Variants in TLN2 observed in about 807,000 individuals in gnomAD.
TLN2 encodes the protein talin-2.
Under a neutral mutation model 294.7 loss-of-function variants are expected in TLN2, and 118 were observed. The ratio of observed to expected loss-of-function variants is 0.40; its 90% confidence interval spans 0.34 to 0.47. The LOEUF (loss-of-function observed/expected upper bound fraction) is 0.47, where lower values mean the gene tolerates loss of function less well. Among genes scored for constraint, TLN2 ranks in the 20% least tolerant of loss-of-function variants. The pLI is 0.84. For synonymous variants in TLN2, 1,431 were observed against 1,304.5 expected (o/e 1.10, Z -2.09); for missense variants, 3,083 against 3,282.2 (o/e 0.94, Z 1.48).
intron 12 of TLN2, 72 bp downstream of exon 12, chr15:62,686,868 C>A: frequency 1.9e-6 from 3 of 1,564,074 alleles, no homozygotes; most frequent in South Asian, 1.2e-5. Context: ...GGAGAAAGAC[C>A]AGATTCTTGC....
Position 62,753,839 on chromosome 15 carries a change from A to G in TLN2, c.4399A>G (p.Ile1467Val), listed in dbSNP as rs2062072650. 3.1e-6 allele frequency: 5 copies of G among 1,612,550 alleles called. No homozygotes were observed. Among genetic ancestry groups the G allele is most frequent in the Non-Finnish European group, 4.2e-6 (5 of 1,179,482 alleles). ...QAGHQGLVDP[I>V]QFARANQAIQ... ...AGGCCACCAGGGCCTGGTGGACCCCATCCAGTTTGCCAGGGCTAACCAGGC... is the reference window on the plus strand; with the variant it reads ...AGGCCACCAGGGCCTGGTGGACCCCGTCCAGTTTGCCAGGGCTAACCAGGC... Residue 1467 changes from isoleucine to valine, a missense_variant, in exon 36 of 59, where the codon ATC becomes GTC. Physicochemically the swap from Ile to Val is conservative, Grantham distance 29 (BLOSUM62 3). Coordinates refer to ENST00000636159, the MANE Select transcript of TLN2 (RefSeq NM_015059.3).
chr15:62,804,925 G>A (rs1472491737), intron 50 of TLN2, among the ~76,000 whole-genome samples: 1 of 151,406 alleles, frequency 6.6e-6, no homozygotes, highest in African/African-American at 2.4e-5. Flanking sequence ...ACTCATGTTA[G>A]AGAGCCAGAA....
At chr15:62,445,868 T>C (rs2035794624) in intron 1 of TLN2, among the ~76,000 whole-genome samples, 1 of 152,124 alleles carries the variant, frequency 6.6e-6, no homozygotes, top group South Asian at 2.1e-4. Context: ...CTCACTGTGT[T>C]GCCTAGGCTG....
chr15:62,747,992 G>A (rs2061708769), intron 32 of TLN2, among the ~76,000 whole-genome samples: 2 of 152,088 alleles, frequency 1.3e-5, no homozygotes, highest in Non-Finnish European at 2.9e-5. Context: ...AGGTGGCAGA[G>A]GTGGAAGAGG....
intron 45 of TLN2, 93 bp from the exon 46 acceptor site, chr15:62,792,548 C>CAT: frequency 1.5e-5 from 23 of 1,505,402 alleles, no homozygotes; most frequent in Non-Finnish European, 2.1e-5. Flanking sequence ...GCCAGGCTCC[C>CAT]ATAGGACATA....
At chr15:62,675,423 G>C in intron 11 of TLN2, 102 bp downstream of exon 11, 2 of 1,174,768 alleles carry the variant, frequency 1.7e-6, no homozygotes, top group South Asian at 2.8e-5. Flanking sequence ...CACCCCCCTA[G>C]CATTTGCGGG....
rs373551547 is a variant in TLN2 at position 62,409,265 on chromosome 15, G to A, written c.-238+18580G>A. ...TGGGATTACAGGTGTCAGCCACTGT[G>A]CCTTGTAGTTTTTATAATCAAAATA... is the stretch of plus-strand genomic sequence containing the variant. On this transcript the variant is annotated intron_variant, in intron 1 of 58. Coordinates refer to ENST00000636159, the MANE Select transcript of TLN2 (RefSeq NM_015059.3). Among the ~76,000 whole-genome samples, 61 of 152,190 alleles carry A rather than the reference G, an allele frequency of 4.0e-4. 1 individual carries two copies. The highest frequency in any genetic ancestry group is 3.4e-3 in the Middle Eastern group (1 of 294).
chr15:62,718,589 A>G (rs949698278), intron 24 of TLN2, among the ~76,000 whole-genome samples: 15 of 152,092 alleles, frequency 9.9e-5, no homozygotes, highest in African/African-American at 3.4e-4. Flanking sequence ...TGTGGACTGA[A>G]TGCACTCCAG....
intron 28 of TLN2, 86 bp from the exon 29 acceptor site, chr15:62,736,792 A>G (rs1004845293): frequency 2.1e-6 from 3 of 1,429,322 alleles, no homozygotes; most frequent in African/African-American, 2.8e-5. Context: ...CTTCTGTGCC[A>G]GGCCCTGGTC....
At chr15:62,819,466 C>A in intron 52 of TLN2, 50 bp from the exon 53 acceptor site, 1 of 1,475,690 alleles carries the variant, frequency 6.8e-7, no homozygotes, top group Non-Finnish European at 9.5e-7. Flanking sequence ...TCTTTCCTGT[C>A]CCAGTGGTTA....
rs148816602 is a variant in TLN2, at chr15:62,736,358, C to T, written c.3359-520C>T. On this transcript the variant is annotated intron_variant, in intron 28 of 58. Transcript: ENST00000636159. ...AGTAAAAGTAGTCTAAGGTAATAGA[C>T]GTTAGAATGGTGATTACTTCTGGTA... is the stretch of plus-strand genomic sequence containing the variant. 3.9e-3 allele frequency among the ~76,000 whole-genome samples: 588 copies of T among 151,264 alleles called. 6 individuals carry two copies. The highest frequency in any genetic ancestry group is 0.014 in the African/African-American group (560 of 41,212).
At chr15:62,574,620 G>C (rs1194479736) in intron 1 of TLN2, among the ~76,000 whole-genome samples, 1 of 47,850 alleles carries the variant, frequency 2.1e-5, no homozygotes, top group Non-Finnish European at 4.6e-5. Context: ...AAAAAAAAAA[G>C]ACTATTTCCT....
chr15:62,439,186 A>C (rs1036669439), intron 1 of TLN2, among the ~76,000 whole-genome samples: 1 of 152,186 alleles, frequency 6.6e-6, no homozygotes, highest in Admixed American at 6.5e-5. Context: ...ACACTTTACT[A>C]TGTACCCTAG....
At chr15:62,824,037 T>C (rs1453449770) in intron 54 of TLN2, 1 of 523,606 alleles carries the variant, frequency 1.9e-6, no homozygotes, top group Non-Finnish European at 3.9e-6. Flanking sequence ...CTACAGTGTC[T>C]TGCCCTGTCT....
At chr15:62,719,318 C>T (rs1038961672) in intron 24 of TLN2, among the ~76,000 whole-genome samples, 2 of 152,212 alleles carry the variant, frequency 1.3e-5, no homozygotes, top group Admixed American at 6.5e-5. Context: ...AGAATGTGTG[C>T]CTGCAAAGTA....
chr15:62,625,384 G>T (rs954036402), intron 3 of TLN2, among the ~76,000 whole-genome samples: 2 of 152,212 alleles, frequency 1.3e-5, no homozygotes, highest in Non-Finnish European at 2.9e-5. Flanking sequence ...GCTGGCTGCA[G>T]TGTAAGCTGA....
At chr15:62,481,927 G>C (rs996085625) in intron 1 of TLN2, among the ~76,000 whole-genome samples, 1 of 150,812 alleles carries the variant, frequency 6.6e-6, no homozygotes, top group Non-Finnish European at 1.5e-5. Flanking sequence ...CTCCCGAGTA[G>C]CTGGGATTAC....
chr15:62,834,356 G>C (rs1457993860), intron 55 of TLN2: 1 of 152,146 alleles, frequency 6.6e-6, no homozygotes, highest in Non-Finnish European at 1.5e-5. Context: ...AAACCTGACC[G>C]TTCGTGGGTT....
At position 62,840,735 on chromosome 15, in the gene TLN2, T is replaced by C. The variant is rs1274714935; in HGVS notation, c.*125T>C. 2.8e-5 allele frequency: 37 copies of C among 1,342,324 alleles called. No homozygotes were observed. Among genetic ancestry groups the C allele is most frequent in the Non-Finnish European group, 3.4e-5 (34 of 1,001,396 alleles). The allele number at this position is 1,342,324 out of a possible 1,614,324, so 83.2% of individuals were successfully genotyped here. A position where few individuals can be genotyped will look rare whatever the true frequency, so the allele number is the denominator to read the frequency against. On this transcript the variant is annotated 3_prime_UTR_variant, in exon 59 of 59. Coordinates refer to ENST00000636159, the MANE Select transcript of TLN2 (RefSeq NM_015059.3). Reference sequence around the variant, plus strand: ...TCCCTCCCGGGTGAGCCTGGAGCCCTGCGTGCTTGTTCTCACATCTCTGTC... The same window carrying C: ...TCCCTCCCGGGTGAGCCTGGAGCCCCGCGTGCTTGTTCTCACATCTCTGTC...
Sources: allele counts gnomAD v4.1 joint callset (sites outside exome capture counted in the v4.1 genomes callset), GRCh38; gene constraint gnomAD v4.1.1; transcripts MANE v1.5; gene names NCBI Gene and HGNC (gene_info 2026-07-23, HGNC 2026-07-21).